The following GANC variants were observed in gnomAD, a reference collection of about 807,000 sequenced individuals.
The protein encoded by GANC is neutral alpha-glucosidase C.
GANC carries 117 observed loss-of-function variants against 124.2 expected under a neutral mutation model. The ratio of observed to expected loss-of-function variants is 0.94; its 90% CI spans 0.81 to 1.10. The LOEUF (loss-of-function observed/expected upper bound fraction) is 1.10. Ranked by LOEUF, GANC falls within the 50% of genes least tolerant of loss-of-function variation. GANC has a pLI of 0.00. For synonymous variants in GANC, 377 were observed against 376.8 expected, an observed-to-expected ratio of 1.00 and a Z score of -0.01; for missense variants, 1,140 against 1,095.0, an observed-to-expected ratio of 1.04 and a Z score of -0.58.
In GANC at chr15:42,274,488, G is replaced by C; in HGVS notation, c.7G>C (p.Ala3Pro). 6.2e-7 allele frequency: 1 copy of C among 1,610,918 alleles called. No individual in the cohort carries two copies. The change falls in exon 1 of 24, where the codon GCA (alanine) becomes CCA (proline). Residue 3 changes from alanine (A) to proline (P), a missense_variant. Coordinates refer to ENST00000318010, the MANE Select transcript of GANC (RefSeq NM_198141.3). ...TCGGAGTGACAGAGAAGCCATGGAAGCAGCAGTGAAAGAGGAAATAAGGTA... is the reference window on the plus strand; with the variant it reads ...TCGGAGTGACAGAGAAGCCATGGAACCAGCAGTGAAAGAGGAAATAAGGTA... ME[A>P]AVKEEISLED...
At chr15:42,333,030 A>ATC (rs1043790611) in intron 15 of GANC, among the ~76,000 whole-genome samples, 11 of 146,674 alleles carry the variant, frequency 7.5e-5, no homozygotes, top group African/African-American at 2.8e-4. Context: ...AAAAATATAT[A>ATC]TATATATATT....
Position 42,339,699 on chromosome 15 carries a change from A to C in GANC, c.1874A>C (p.Glu625Ala). 5 of 1,614,072 alleles carry C rather than the reference A, an allele frequency of 3.1e-6. No homozygotes were observed. The highest frequency in any genetic ancestry group is 4.2e-6 in the Non-Finnish European group (5 of 1,179,934). Reference protein sequence around the residue: ...ADIGGFIGNPETELLVRWYQA... With the variant: ...ADIGGFIGNPATELLVRWYQA... The stretch of plus-strand genomic sequence containing the variant: ...ATAGGCGGGTTCATTGGGAATCCAG[A>C]GACAGAGCTGCTAGTGCGTTGGTAC... Residue 625 changes from glutamate (E) to alanine (A), a missense_variant, in exon 17 of 24, where the codon GAG becomes GCG. By Grantham distance (107) the Glu-to-Ala change is moderately radical (BLOSUM62 -1). Transcript: ENST00000318010.
At chr15:42,337,608 A>T (rs764233995) in intron 15 of GANC, among the ~76,000 whole-genome samples, 1 of 152,194 alleles carries the variant, frequency 6.6e-6, no homozygotes, top group Non-Finnish European at 1.5e-5. Flanking sequence ...ACTAATGGGT[A>T]TTAGGCTTAA....
intron 4 of GANC, 106 bp from the exon 5 acceptor site, chr15:42,292,629 T>G: frequency 1.8e-6 from 2 of 1,111,994 alleles, no homozygotes; most frequent in South Asian, 3.3e-5. Flanking sequence ...TCTATGGCTA[T>G]GTCACATGAA....
chr15:42,294,182 G>A (rs940117251), intron 5 of GANC, among the ~76,000 whole-genome samples: 1 of 151,426 alleles, frequency 6.6e-6, no homozygotes, highest in Non-Finnish European at 1.5e-5. Flanking sequence ...GAGGCACATG[G>A]TACAAAGGAG....
chr15:42,315,827 A>T (rs1358949812), intron 10 of GANC, among the ~76,000 whole-genome samples: 2 of 152,058 alleles, frequency 1.3e-5, no homozygotes, highest in African/African-American at 4.8e-5. Context: ...CCTGGGGAAA[A>T]CAGAATGTCT....
intron 19 of GANC, among the ~76,000 whole-genome samples, chr15:42,344,289 G>C (rs1316893812): frequency 6.6e-6 from 1 of 152,204 alleles, no homozygotes; most frequent in African/African-American, 2.4e-5. Flanking sequence ...CCCTGAGGGA[G>C]AATCTGTTCA....
rs1450609624 is a variant in GANC at position 42,287,718 on chromosome 15, A to G, written c.229A>G (p.Ile77Val). The G allele has an allele frequency of 3.1e-6, 5 of 1,612,744 alleles. No individual in the cohort carries two copies. Among genetic ancestry groups the G allele is most frequent in the Admixed American group, 3.3e-5 (2 of 59,782 alleles). Residue 77 changes from isoleucine (I) to valine (V), a missense_variant, in exon 4 of 24, where the codon ATA becomes GTA. Transcript: ENST00000318010. Reference sequence around the variant, plus strand: ...TCCTCTCCTGGCTGAAATTTATGGTATAGAAGGAAACATTTTCAGGCTTAA... The same window carrying G: ...TCCTCTCCTGGCTGAAATTTATGGTGTAGAAGGAAACATTTTCAGGCTTAA... ...KVPLLAEIYG[I>V]EGNIFRLKIN...
chr15:42,330,145 T>A (rs1206510483), intron 14 of GANC, among the ~76,000 whole-genome samples: 1 of 152,228 alleles, frequency 6.6e-6, no homozygotes, highest in African/African-American at 2.4e-5. Context: ...TTTGCCTCTT[T>A]AACAGCCTGT....
At chr15:42,311,408 A>G (rs1455321676) in intron 10 of GANC, among the ~76,000 whole-genome samples, 1 of 152,214 alleles carries the variant, frequency 6.6e-6, no homozygotes, top group Non-Finnish European at 1.5e-5. Context: ...AGAATCCACA[A>G]AAAAATTACT....
intron 15 of GANC, among the ~76,000 whole-genome samples, chr15:42,333,823 G>C (rs2052264395): frequency 6.6e-6 from 1 of 152,212 alleles, no homozygotes; most frequent in South Asian, 2.1e-4. Context: ...CCCCTTTAAG[G>C]CCTGTAACAC....
chr15:42,276,084 T>C (rs994970083), intron 1 of GANC, among the ~76,000 whole-genome samples: 3 of 152,210 alleles, frequency 2.0e-5, no homozygotes, highest in Non-Finnish European at 1.5e-5. Context: ...TATGTCCTCA[T>C]AAGTGACAGT....
chr15:42,343,437 C>T, intron 19 of GANC: 1 of 370,262 alleles, frequency 2.7e-6, no homozygotes, highest in Non-Finnish European at 5.0e-6. Context: ...CACACCGAGG[C>T]TTGGGGTAGG....
At chr15:42,319,820 T>C (rs569711363) in intron 10 of GANC, among the ~76,000 whole-genome samples, 1 of 152,310 alleles carries the variant, frequency 6.6e-6, no homozygotes, top group African/African-American at 2.4e-5. Context: ...AGCATCCCAA[T>C]CTGAAAATCC....
rs780760320 is a variant in GANC at position 42,278,528 on chromosome 15, T to C, written c.139T>C (p.Leu47=). 25 of 1,613,212 alleles carry C rather than the reference T, an allele frequency of 1.5e-5. No individual in the cohort carries two copies. The African/African-American group carries it at 2.5e-4, about 16-fold the overall frequency. Residue 47 remains leucine (L), a synonymous_variant, in exon 3 of 24, where the codon TTG becomes CTG. Coordinates refer to ENST00000318010, the MANE Select transcript of GANC (RefSeq NM_198141.3). The part of the protein sequence containing the change: ...LSKKSTYQAL[L]DSVTTDEDST... ...CAAGAAGTCCACCTATCAGGCATTATTGGATTCAGTCACAACAGATGAAGA... is the reference window on the plus strand; with the variant it reads ...CAAGAAGTCCACCTATCAGGCATTACTGGATTCAGTCACAACAGATGAAGA...
In GANC at chr15:42,327,392, C is replaced by A. The variant is rs2052206824; in HGVS notation, c.1450C>A (p.Pro484Thr). 6.2e-7 allele frequency: 1 copy of A among 1,613,244 alleles called. No homozygotes were observed. The highest frequency in any genetic ancestry group is 1.3e-5 in the African/African-American group (1 of 74,994). Residue 484 changes from proline to threonine, a missense_variant, in exon 13 of 24, where the codon CCC becomes ACC. Physicochemically the swap from Pro to Thr is conservative, Grantham distance 38 (BLOSUM62 -1). Transcript: ENST00000318010. ...GLSSYLDFTNPKVREWYSSLF... is the reference protein window; with the variant it reads ...GLSSYLDFTNTKVREWYSSLF... ...CTCCTCTTACCTGGATTTCACCAAT[C>A]CCAAGGTCAGAGAGTGGTATTCAAG...
chr15:42,329,042 G>A (rs1318023436), intron 13 of GANC, among the ~76,000 whole-genome samples: 1 of 152,160 alleles, frequency 6.6e-6, no homozygotes, highest in African/African-American at 2.4e-5. Flanking sequence ...ATATTTCACA[G>A]ACAACACAGG....
At chr15:42,310,138 C>G in intron 8 of GANC, 145 bp from the exon 9 acceptor site, 1 of 547,008 alleles carries the variant, frequency 1.8e-6, no homozygotes, top group Non-Finnish European at 3.0e-6. Context: ...TAAGTTGGGT[C>G]AGGAAATCTT....
At chr15:42,275,059 G>T (rs1484651802) in intron 1 of GANC, among the ~76,000 whole-genome samples, 1 of 151,960 alleles carries the variant, frequency 6.6e-6, no homozygotes, top group African/African-American at 2.4e-5. Flanking sequence ...GGAAACAAAA[G>T]ATTCTCCAAT....
Sources: allele counts gnomAD v4.1 joint callset (sites outside exome capture counted in the v4.1 genomes callset), GRCh38; gene constraint gnomAD v4.1.1; transcripts MANE v1.5; gene names NCBI Gene and HGNC (gene_info 2026-07-23, HGNC 2026-07-21).